Variants in CHSY3 observed in about 807,000 individuals in gnomAD.
CHSY3 encodes the protein chondroitin sulfate synthase 3.
In CHSY3, 35 loss-of-function variants were observed where a neutral mutation model predicts 67.2. The ratio of observed to expected loss-of-function variants is 0.52; its 90% CI spans 0.40 to 0.69. The LOEUF (loss-of-function observed/expected upper bound fraction) is 0.69. Among genes scored for constraint, CHSY3 ranks in the 30% least tolerant of loss-of-function variants. The pLI is 0.00. For synonymous variants in CHSY3, 474 were observed against 434.7 expected (o/e 1.09, Z -1.12); for missense variants, 1,069 against 1,138.5 (o/e 0.94, Z 0.88).
intron 2 of CHSY3, among the ~76,000 whole-genome samples, chr5:130,142,156 T>C (rs1318739417): frequency 6.6e-6 from 1 of 152,204 alleles, no homozygotes; most frequent in Non-Finnish European, 1.5e-5. Flanking sequence ...GAAAAGGTAA[T>C]GTCTTAAACA....
At chr5:129,942,578 A>T (rs534911690) in intron 2 of CHSY3, among the ~76,000 whole-genome samples, 1 of 152,256 alleles carries the variant, frequency 6.6e-6, no homozygotes, top group East Asian at 1.9e-4. Flanking sequence ...GCCTAACATG[A>T]TCTATGTTAG....
chr5:130,148,917 T>C (rs1226714433), intron 2 of CHSY3, among the ~76,000 whole-genome samples: 1 of 152,230 alleles, frequency 6.6e-6, no homozygotes, highest in Non-Finnish European at 1.5e-5. Flanking sequence ...CATTTATCAG[T>C]TCTTGCTTTG....
At chr5:129,944,174 T>C (rs1253066322) in intron 2 of CHSY3, among the ~76,000 whole-genome samples, 1 of 152,152 alleles carries the variant, frequency 6.6e-6, no homozygotes, top group Non-Finnish European at 1.5e-5. Flanking sequence ...GCCTCTGACA[T>C]AAAGGTCTCC....
intron 2 of CHSY3, among the ~76,000 whole-genome samples, chr5:130,177,259 C>A: frequency 6.7e-6 from 1 of 149,304 alleles, no homozygotes; most frequent in Middle Eastern, 3.5e-3. Context: ...GTTTTGTATT[C>A]TTCACTAACT....
At chr5:130,026,990 G>A (rs1764563172) in intron 2 of CHSY3, among the ~76,000 whole-genome samples, 1 of 152,096 alleles carries the variant, frequency 6.6e-6, no homozygotes, top group Non-Finnish European at 1.5e-5. Context: ...CTTTTCCTGT[G>A]TTTACAGCCA....
At chr5:130,178,518 C>T (rs909028521) in intron 2 of CHSY3, among the ~76,000 whole-genome samples, 5 of 151,876 alleles carry the variant, frequency 3.3e-5, no homozygotes, top group South Asian at 2.1e-4. Context: ...TCCGAAAGTG[C>T]TGGGATTACA....
intron 2 of CHSY3, among the ~76,000 whole-genome samples, chr5:130,037,084 AAAG>A (rs1486145158): frequency 6.6e-6 from 1 of 152,164 alleles, no homozygotes; most frequent in Admixed American, 6.6e-5. Flanking sequence ...AGCTGTCATA[AAAG>A]AACGAAACAT....
At chr5:130,033,593 T>G (rs1295969987) in intron 2 of CHSY3, among the ~76,000 whole-genome samples, 1 of 152,184 alleles carries the variant, frequency 6.6e-6, no homozygotes, top group East Asian at 1.9e-4. Context: ...GGAACTGTAT[T>G]TACAAACTCT....
intron 2 of CHSY3, among the ~76,000 whole-genome samples, chr5:130,086,479 C>T (rs1368627605): frequency 6.6e-6 from 1 of 151,974 alleles, no homozygotes; most frequent in Non-Finnish European, 1.5e-5. Flanking sequence ...CTTCCTCCAT[C>T]GTTTTATTTT....
chr5:130,113,447 A>C (rs1767650807), intron 2 of CHSY3, among the ~76,000 whole-genome samples: 3 of 152,220 alleles, frequency 2.0e-5, no homozygotes, highest in South Asian at 4.1e-4. Context: ...ATTTAAACTC[A>C]GAAACAAAGC....
At chr5:129,963,089 G>A (rs545180512) in intron 2 of CHSY3, among the ~76,000 whole-genome samples, 3 of 151,848 alleles carry the variant, frequency 2.0e-5, no homozygotes, top group African/African-American at 7.2e-5. Context: ...CTTGTAATCG[G>A]TCTAGCAAAA....
intron 2 of CHSY3, among the ~76,000 whole-genome samples, chr5:130,160,178 A>T (rs1021418767): frequency 2.6e-5 from 4 of 152,220 alleles, no homozygotes; most frequent in Non-Finnish European, 5.9e-5. Flanking sequence ...TAGAAAGATT[A>T]TGTAAATTGG....
intron 2 of CHSY3, among the ~76,000 whole-genome samples, chr5:130,020,181 G>T (rs952790738): frequency 6.6e-6 from 1 of 151,792 alleles, no homozygotes; most frequent in African/African-American, 2.4e-5. Flanking sequence ...ACTTTGGGAG[G>T]GTAAAGTGGG....
At chr5:130,176,383 A>G (rs565159043) in intron 2 of CHSY3, among the ~76,000 whole-genome samples, 22 of 152,314 alleles carry the variant, frequency 1.4e-4, no homozygotes, top group Non-Finnish European at 2.9e-4. Context: ...GAGAAATAAG[A>G]ATGCTTTTAC....
intron 2 of CHSY3, among the ~76,000 whole-genome samples, chr5:130,166,176 A>G (rs1769741420): frequency 6.6e-6 from 1 of 152,262 alleles, no homozygotes; most frequent in African/African-American, 2.4e-5. Context: ...TTAGCATCTT[A>G]TATCTGCTTT....
chr5:129,981,109 T>C (rs1762971817), intron 2 of CHSY3, among the ~76,000 whole-genome samples: 1 of 150,400 alleles, frequency 6.6e-6, no homozygotes, highest in African/African-American at 2.4e-5. Flanking sequence ...TAGTCCCAGC[T>C]ACTCTGGAGG....
intron 2 of CHSY3, among the ~76,000 whole-genome samples, chr5:130,146,139 T>C (rs1479780659): frequency 6.6e-6 from 1 of 151,962 alleles, no homozygotes; most frequent in African/African-American, 2.4e-5. Context: ...GTTGAAGATA[T>C]ATCTACACTC....
At chr5:130,033,624 C>A (rs1343257909) in intron 2 of CHSY3, among the ~76,000 whole-genome samples, 1 of 152,130 alleles carries the variant, frequency 6.6e-6, no homozygotes, top group Non-Finnish European at 1.5e-5. Context: ...AACCATTACA[C>A]CAATTTTTAT....
intron 2 of CHSY3, among the ~76,000 whole-genome samples, chr5:130,082,831 C>T (rs1168177559): frequency 6.6e-6 from 1 of 151,534 alleles, no homozygotes; most frequent in African/African-American, 2.4e-5. Flanking sequence ...CAGTAGTCCT[C>T]CTGAAATGTT....
Sources: gnomAD v4.1 joint callset for allele counts (sites outside exome capture counted in the v4.1 genomes callset) on GRCh38, gnomAD v4.1.1 for gene constraint, MANE v1.5 for transcripts, NCBI Gene and HGNC (gene_info 2026-07-23, HGNC 2026-07-21) for gene names.